DNM2: variants seen among roughly 807,000 people sequenced by gnomAD.
DNM2 encodes dynamin 2.
DNM2 carries 15 observed loss-of-function variants against 99.0 expected under a neutral mutation model. The ratio of observed to expected loss-of-function variants is 0.15; its 90% CI spans 0.10 to 0.23. DNM2 has a LOEUF of 0.23. DNM2 is among the 10% of genes least tolerant of loss of function. DNM2 has a pLI of 1.00. For synonymous variants in DNM2, 525 were observed against 481.2 expected (o/e 1.09, Z -1.19); for missense variants, 742 against 1,189.4 (o/e 0.62, Z 5.53).
chr19:10,811,950 G>T lies in DNM2; in HGVS notation c.1558-314G>T. ...GTTCCTCAGATGTCACATTTCATGT[G>T]CCACAGCCCCACACACAAGCCCCAG... is the stretch of plus-strand genomic sequence containing the variant. On this transcript the variant is annotated intron_variant, in intron 14 of 20. Coordinates refer to ENST00000389253, the MANE Select transcript of DNM2 (RefSeq NM_001005361.3). This position sits in a 1 kb window ranked among gnomAD's most constrained non-coding sequence, Gnocchi z 5.4. 2.2e-6 allele frequency: 1 copy of T among 461,428 alleles called. No individual in the cohort carries two copies. Among genetic ancestry groups the T allele is most frequent in the Non-Finnish European group, 4.3e-6 (1 of 231,264 alleles). 28.6% of individuals were successfully genotyped at this position (461,428 alleles called of 1,614,324 possible). A position where few individuals can be genotyped will look rare whatever the true frequency, so the allele number is the denominator to read the frequency against.
intron 15 of DNM2, among the ~76,000 whole-genome samples, chr19:10,819,341 G>A (rs571115253): frequency 1.6e-4 from 25 of 152,258 alleles, no homozygotes; most frequent in African/African-American, 5.1e-4. Flanking sequence ...GTCCTAAAGC[G>A]GCCAAGGTTG....
intron 1 of DNM2, among the ~76,000 whole-genome samples, chr19:10,747,842 AAG>A (rs1270796423): frequency 3.3e-5 from 5 of 152,084 alleles, no homozygotes; most frequent in African/African-American, 1.2e-4. Context: ...TGATGTGTGA[AAG>A]AAGGGGAGCA....
intron 12 of DNM2, among the ~76,000 whole-genome samples, chr19:10,802,766 G>A (rs1477316221): frequency 6.6e-6 from 1 of 152,200 alleles, no homozygotes; most frequent in East Asian, 1.9e-4. Context: ...CTGCTCTTTG[G>A]GAAATGCTGC....
chr19:10,762,892 C>T (rs1428162522), intron 2 of DNM2, among the ~76,000 whole-genome samples: 2 of 151,740 alleles, frequency 1.3e-5, no homozygotes, highest in Non-Finnish European at 2.9e-5. Flanking sequence ...GGGGTGGGGG[C>T]AGGTGGGGGA....
rs2072562261 is a variant in DNM2, at chr19:10,811,960, C to T, written c.1558-304C>T. On this transcript the variant is annotated intron_variant, in intron 14 of 20. Coordinates refer to ENST00000389253, the MANE Select transcript of DNM2 (RefSeq NM_001005361.3). The surrounding 1 kb of genome is among the most constrained non-coding windows in gnomAD (Gnocchi z 5.4). ...TGTCACATTTCATGTGCCACAGCCCCACACACAAGCCCCAGGGACTCCTCC... is the reference window on the plus strand; with the variant it reads ...TGTCACATTTCATGTGCCACAGCCCTACACACAAGCCCCAGGGACTCCTCC... The T allele has an allele frequency of 4.3e-6, 2 of 466,696 alleles. No individual in the cohort carries two copies. Among genetic ancestry groups the T allele is most frequent in the African/African-American group, 2.0e-5 (1 of 50,566 alleles). 28.9% of individuals were successfully genotyped at this position (466,696 alleles called of 1,614,324 possible). A position where few individuals can be genotyped will look rare whatever the true frequency, so the allele number is the denominator to read the frequency against.
At chr19:10,773,854 C>T (rs2071063694) in intron 3 of DNM2, among the ~76,000 whole-genome samples, 2 of 151,872 alleles carry the variant, frequency 1.3e-5, no homozygotes, top group Admixed American at 1.3e-4. Flanking sequence ...CTCAGGTGAT[C>T]GCCTGCATCC....
intron 1 of DNM2, among the ~76,000 whole-genome samples, chr19:10,745,837 T>C (rs2069945906): frequency 6.6e-6 from 1 of 152,100 alleles, no homozygotes; most frequent in Admixed American, 6.6e-5. Flanking sequence ...CTGAGTTGAG[T>C]CCCTGGTAAC....
In DNM2 at chr19:10,764,860, C is replaced by G. The variant is rs1276365948; in HGVS notation, c.235+5049C>G. Among the ~76,000 whole-genome samples, 1 of 152,186 alleles carries G rather than the reference C, an allele frequency of 6.6e-6. No individual in the cohort carries two copies. Among genetic ancestry groups the G allele is most frequent in the Non-Finnish European group, 1.5e-5 (1 of 68,026 alleles). ...CTGCCTGCCTGGAACGCCCTGTTCCCTACCTGCCACTGTCTGCTGCTCACC... is the reference window on the plus strand; with the variant it reads ...CTGCCTGCCTGGAACGCCCTGTTCCGTACCTGCCACTGTCTGCTGCTCACC... On this transcript the variant is annotated intron_variant, in intron 2 of 20. Transcript: ENST00000389253. This position sits in a 1 kb window ranked among gnomAD's most constrained non-coding sequence, Gnocchi z 4.1.
At chr19:10,804,006 CA>C (rs1327067661) in intron 12 of DNM2, among the ~76,000 whole-genome samples, 5 of 152,098 alleles carry the variant, frequency 3.3e-5, no homozygotes, top group Admixed American at 6.5e-5. Context: ...CAGGTGATGC[CA>C]GGGGGACCCA....
At chr19:10,805,782 G>C in intron 12 of DNM2, 134 bp from the exon 13 acceptor site, 1 of 1,050,446 alleles carries the variant, frequency 9.5e-7, no homozygotes, top group African/African-American at 1.6e-5. Context: ...CTCTGTGTGT[G>C]CAGGGGGCTT....
intron 18 of DNM2, among the ~76,000 whole-genome samples, chr19:10,826,632 T>A (rs2073151566): frequency 6.6e-6 from 1 of 152,156 alleles, no homozygotes; most frequent in Non-Finnish European, 1.5e-5. Flanking sequence ...ATGCCTGTAA[T>A]CCCAGCACTT....
intron 10 of DNM2, 139 bp downstream of exon 10, chr19:10,797,657 C>T: frequency 7.5e-7 from 1 of 1,342,122 alleles, no homozygotes; most frequent in Non-Finnish European, 1.1e-6. Flanking sequence ...GATGTCGCCA[C>T]CTTGCATTGG....
chr19:10,801,439 G>A (rs2072138940), intron 11 of DNM2, among the ~76,000 whole-genome samples: 1 of 151,950 alleles, frequency 6.6e-6, no homozygotes, highest in South Asian at 2.1e-4. Context: ...GGGCAACATA[G>A]TGAGACCCCA....
rs1175415803 is a variant in DNM2 at position 10,816,394 on chromosome 19, C to T, written c.1672-3586C>T. On this transcript the variant is annotated intron_variant, in intron 15 of 20. Transcript: ENST00000389253. The surrounding 1 kb of genome is among the most constrained non-coding windows in gnomAD (Gnocchi z 4.6). Reference sequence around the variant, plus strand: ...AGGGTGGTGGAGTCTGCTGAGCCACCATACAAGCATTTCTGGGGTCCCTGT... The same window carrying T: ...AGGGTGGTGGAGTCTGCTGAGCCACTATACAAGCATTTCTGGGGTCCCTGT... Among the ~76,000 whole-genome samples the T allele has an allele frequency of 2.6e-5, 4 of 152,210 alleles. No homozygotes were observed. The highest frequency in any genetic ancestry group is 2.6e-4 in the Admixed American group (4 of 15,288).
At position 10,779,214 on chromosome 19, in the gene DNM2, CAAA is replaced by C. The variant is rs771369368; in HGVS notation, c.688+2011_688+2013del. Among the ~76,000 whole-genome samples the C allele has an allele frequency of 2.0e-4, 20 of 100,494 alleles. No individual in the cohort carries two copies. The South Asian group carries it at 2.4e-3, about 12-fold the overall frequency. The allele number at this position is 100,494 out of a possible 152,430, so 65.9% of individuals were successfully genotyped here. On this transcript the variant is annotated intron_variant, in intron 5 of 20. Coordinates refer to ENST00000389253, the MANE Select transcript of DNM2 (RefSeq NM_001005361.3). ...TGGGCCACAGAGCAAGGGTCTGTCT[CAAA>C]AAAAAAAAAAAAGAAAAATTTTTCA...
At chr19:10,741,069 G>A (rs528125878) in intron 1 of DNM2, among the ~76,000 whole-genome samples, 2 of 152,040 alleles carry the variant, frequency 1.3e-5, no homozygotes, top group Non-Finnish European at 2.9e-5. Flanking sequence ...GGAGTGTTCT[G>A]TACACATCTG....
Position 10,830,940 on chromosome 19 carries a change from C to T in DNM2, c.2544-38C>T, listed in dbSNP as rs186036072. ...TGCCTCTTGCTCCCGGCCTCACTGC[C>T]GTCTCCCCCTCCCCACCTGTCTTTA... On this transcript the variant is annotated intron_variant, in intron 20 of 20. Transcript: ENST00000389253. The surrounding 1 kb of genome is among the most constrained non-coding windows in gnomAD (Gnocchi z 4.8). 481 of 1,592,806 alleles carry T rather than the reference C, an allele frequency of 3.0e-4. 1 individual carries two copies. The highest frequency in any genetic ancestry group is 6.0e-4 in the Admixed American group (35 of 57,940).
intron 7 of DNM2, among the ~76,000 whole-genome samples, chr19:10,793,041 C>A (rs1037104298): frequency 2.0e-5 from 3 of 152,140 alleles, no homozygotes; most frequent in African/African-American, 7.2e-5. Flanking sequence ...CCGCACCCGG[C>A]CAATAAAACA....
chr19:10,796,319 G>T lies in DNM2; in HGVS notation c.1196+880G>T. The stretch of plus-strand genomic sequence containing the variant: ...GTGCCTTTTCTCCCCATATCGCTTT[G>T]TGTCCGTGAACTTGGCCTCTCCCCA... On this transcript the variant is annotated intron_variant, in intron 9 of 20. Coordinates refer to ENST00000389253, the MANE Select transcript of DNM2 (RefSeq NM_001005361.3). The surrounding 1 kb of genome is among the most constrained non-coding windows in gnomAD (Gnocchi z 5.6). 1.3e-6 allele frequency: 2 copies of T among 1,491,340 alleles called. No individual in the cohort carries two copies. Among genetic ancestry groups the T allele is most frequent in the Non-Finnish European group, 9.3e-7 (1 of 1,080,882 alleles). The allele number at this position is 1,491,340 out of a possible 1,614,324, so 92.4% of individuals were successfully genotyped here. A position where few individuals can be genotyped will look rare whatever the true frequency, so the allele number is the denominator to read the frequency against.
Sources: gnomAD v4.1 joint callset for allele counts (sites outside exome capture counted in the v4.1 genomes callset) on GRCh38, gnomAD v4.1.1 for gene constraint, Gnocchi (gnomAD v3.1) non-coding constraint, MANE v1.5 for transcripts, NCBI Gene and HGNC (gene_info 2026-07-23, HGNC 2026-07-21) for gene names.